The following SORCS3 variants were observed in gnomAD, a reference collection of about 807,000 sequenced individuals.
The protein encoded by SORCS3 is sortilin related VPS10 domain containing receptor 3.
Under a neutral mutation model 146.3 loss-of-function variants are expected in SORCS3, and 57 were observed. The observed-to-expected ratio is 0.39, with a 90% CI of 0.31 to 0.49. The LOEUF (loss-of-function observed/expected upper bound fraction) is 0.49, where lower values mean the gene tolerates loss of function less well. Among genes scored for constraint, SORCS3 ranks in the 20% least tolerant of loss-of-function variants. SORCS3 has a pLI of 0.92. For missense variants in SORCS3, 1,341 were observed against 1,575.5 expected (o/e 0.85, Z 2.52); for synonymous variants, 653 against 618.5 (o/e 1.06, Z -0.83).
intron 1 of SORCS3, among the ~76,000 whole-genome samples, chr10:104,758,934 T>G (rs756235059): frequency 1.6e-4 from 25 of 152,308 alleles, no homozygotes; most frequent in Non-Finnish European, 3.4e-4. Context: ...AGGTCTTGTA[T>G]GGCTTGAATT....
At chr10:105,139,225 CA>C (rs1246960582) in intron 7 of SORCS3, among the ~76,000 whole-genome samples, 171 bp from the exon 8 acceptor site, 1 of 152,186 alleles carries the variant, frequency 6.6e-6, no homozygotes, top group Non-Finnish European at 1.5e-5. Context: ...AAGCACTGTG[CA>C]GTGGGAGCAA....
intron 1 of SORCS3, among the ~76,000 whole-genome samples, chr10:104,663,016 C>T (rs2015721758): frequency 6.6e-6 from 1 of 152,186 alleles, no homozygotes; most frequent in South Asian, 2.1e-4. Flanking sequence ...CAGTCAGCAA[C>T]TTGTTAGTGG....
At chr10:104,873,169 AAAT>A (rs2018536157) in intron 2 of SORCS3, among the ~76,000 whole-genome samples, 1 of 152,262 alleles carries the variant, frequency 6.6e-6, no homozygotes, top group Admixed American at 6.5e-5. Flanking sequence ...AGCTGGCAGA[AAAT>A]AGAAACATAG....
intron 2 of SORCS3, among the ~76,000 whole-genome samples, chr10:104,848,789 G>A (rs1321040578): frequency 1.3e-5 from 2 of 152,150 alleles, no homozygotes; most frequent in Non-Finnish European, 2.9e-5. Context: ...GCAGCCCTGC[G>A]CTCATTGCTG....
chr10:104,980,733 A>G (rs549156895), intron 4 of SORCS3, among the ~76,000 whole-genome samples: 5 of 152,346 alleles, frequency 3.3e-5, no homozygotes, highest in Admixed American at 1.3e-4. Flanking sequence ...TATGTATTAC[A>G]AAAGACCTAA....
intron 1 of SORCS3, among the ~76,000 whole-genome samples, chr10:104,810,591 C>A (rs1483943948): frequency 1.3e-5 from 2 of 152,150 alleles, no homozygotes; most frequent in African/African-American, 4.8e-5. Context: ...ATAAATAATG[C>A]TTTATGACCT....
At chr10:105,216,788 G>A (rs1242891029) in intron 18 of SORCS3, 148 bp from the exon 19 acceptor site, 1 of 733,480 alleles carries the variant, frequency 1.4e-6, no homozygotes, top group Non-Finnish European at 2.3e-6. Context: ...GGATCAGATA[G>A]GAGTGTGATC....
chr10:104,830,226 A>C (rs1205076361), intron 1 of SORCS3, among the ~76,000 whole-genome samples: 1 of 152,198 alleles, frequency 6.6e-6, no homozygotes, highest in African/African-American at 2.4e-5. Flanking sequence ...TGCAAAGGAC[A>C]TGATCTCATT....
intron 7 of SORCS3, among the ~76,000 whole-genome samples, chr10:105,127,678 T>A (rs74157446): frequency 7.9e-5 from 12 of 152,074 alleles, no homozygotes; most frequent in Admixed American, 6.5e-4. Context: ...CTCAAAGATA[T>A]TACAGTACAG....
chr10:105,180,657 T>C (rs1564777660), intron 14 of SORCS3, among the ~76,000 whole-genome samples: 1 of 152,204 alleles, frequency 6.6e-6, no homozygotes, highest in African/African-American at 2.4e-5. Context: ...TCTAAACTCA[T>C]AGAATGGCCT....
chr10:104,735,456 G>GTTTTTTTTTTTTTTTTTTTTTTTTTTTTT lies in SORCS3; in HGVS notation c.627+93523_627+93524insTTTTTTTTTTTTTTTTTTTTTTTTTTTTT, dbSNP rs56203751. ...CGGTATTCATGAGCTCTCACCGTCT[G>GTTTTTTTTTTTTTTTTTTTTTTTTTTTTT]TTTTTTTTTTTTTTTTTTTTTAATC... On this transcript the variant is annotated intron_variant, in intron 1 of 26. Coordinates refer to ENST00000369701, the MANE Select transcript of SORCS3 (RefSeq NM_014978.3). 1.3e-3 allele frequency among the ~76,000 whole-genome samples: 45 copies of GTTTTTTTTTTTTTTTTTTTTTTTTTTTTT among 34,996 alleles called. 10 individuals are homozygous for GTTTTTTTTTTTTTTTTTTTTTTTTTTTTT. Among genetic ancestry groups the GTTTTTTTTTTTTTTTTTTTTTTTTTTTTT allele is most frequent in the East Asian group, 4.8e-3 (3 of 630 alleles). The allele number at this position is 34,996 out of a possible 152,430, so 23.0% of individuals were successfully genotyped here.
intron 1 of SORCS3, among the ~76,000 whole-genome samples, chr10:104,729,255 C>G (rs754125052): frequency 6.6e-6 from 1 of 152,168 alleles, no homozygotes; most frequent in Admixed American, 6.5e-5. Context: ...CGTGTATATC[C>G]TACTTTCAGC....
At chr10:104,991,954 G>T (rs1303994371) in intron 4 of SORCS3, among the ~76,000 whole-genome samples, 1 of 152,190 alleles carries the variant, frequency 6.6e-6, no homozygotes, top group African/African-American at 2.4e-5. Flanking sequence ...GATTTGTGGG[G>T]ATGCATTTCA....
intron 1 of SORCS3, among the ~76,000 whole-genome samples, chr10:104,653,450 A>G (rs1053280298): frequency 2.2e-4 from 33 of 152,088 alleles, no homozygotes; most frequent in Middle Eastern, 3.4e-3. Flanking sequence ...TTTGGATCCC[A>G]TTCCTCTGTT....
chr10:104,682,211 T>G (rs1199180196), intron 1 of SORCS3, among the ~76,000 whole-genome samples: 1 of 152,236 alleles, frequency 6.6e-6, no homozygotes, highest in African/African-American at 2.4e-5. Context: ...GAAAGCAGTT[T>G]GTTTACTTGG....
chr10:105,050,433 A>G (rs574488816), intron 5 of SORCS3, among the ~76,000 whole-genome samples: 1 of 152,234 alleles, frequency 6.6e-6, no homozygotes, highest in East Asian at 1.9e-4. Context: ...CCCATGTGTC[A>G]AGGAATGGAG....
intron 5 of SORCS3, among the ~76,000 whole-genome samples, chr10:105,050,609 CT>C (rs1297979750): frequency 1.3e-5 from 2 of 152,114 alleles, no homozygotes; most frequent in Non-Finnish European, 2.9e-5. Context: ...TGATAGAAGC[CT>C]TGTAAGAGAC....
intron 1 of SORCS3, 58 bp downstream of exon 1, chr10:104,642,012 G>C: frequency 1.4e-6 from 2 of 1,417,298 alleles, no homozygotes; most frequent in Non-Finnish European, 1.9e-6. Context: ...GGGAATGGGG[G>C]GGTGGGTGGG....
chr10:104,940,635 C>T (rs1037214447), intron 3 of SORCS3, among the ~76,000 whole-genome samples: 1 of 151,906 alleles, frequency 6.6e-6, no homozygotes, highest in African/African-American at 2.4e-5. Context: ...TCTTAATCCA[C>T]TCTATCATTG....
Sources: allele counts gnomAD v4.1 joint callset (sites outside exome capture counted in the v4.1 genomes callset), GRCh38; gene constraint gnomAD v4.1.1; transcripts MANE v1.5; gene names NCBI Gene and HGNC (gene_info 2026-07-23, HGNC 2026-07-21).